The following KCTD1 variants were observed in gnomAD, a reference collection of about 807,000 sequenced individuals.
The protein encoded by KCTD1 is BTB/POZ domain-containing protein KCTD1.
KCTD1 carries 24 observed loss-of-function variants against 66.0 expected under a neutral mutation model. The observed-to-expected ratio is 0.36, with a 90% CI of 0.26 to 0.51. The LOEUF (loss-of-function observed/expected upper bound fraction) is 0.51, where lower values mean the gene tolerates loss of function less well. KCTD1 is among the 20% of genes least tolerant of loss of function. The pLI, the probability that KCTD1 is intolerant of heterozygous loss-of-function variation, is 0.95. For missense variants in KCTD1, 943 were observed against 1,205.2 expected, an observed-to-expected ratio of 0.78 and a Z score of 3.22; for synonymous variants, 511 against 517.2, an observed-to-expected ratio of 0.99 and a Z score of 0.16.
At chr18:26,580,656 G>A (rs1986331154) in intron 1 of KCTD1, among the ~76,000 whole-genome samples, 1 of 152,178 alleles carries the variant, frequency 6.6e-6, no homozygotes, top group Admixed American at 6.5e-5. Flanking sequence ...GGGAGGGAGT[G>A]TGGCAAAATG....
rs151153880 is a variant in KCTD1 at position 26,456,230 on chromosome 18, C to T, written c.2440-329G>A. ...GGTTTCCAACTCAGGTCTGTTTGGC[C>T]TCAAATCTCCTGTTTTTGTATATGC... On this transcript the variant is annotated intron_variant, in intron 4 of 4. Transcript: ENST00000580059. 1.7e-4 allele frequency: 37 copies of T among 212,256 alleles called. No individual in the cohort carries two copies. In the East Asian group the frequency reaches 3.4e-3, roughly 20 times the overall value. 13.1% of individuals were successfully genotyped at this position (212,256 alleles called of 1,614,324 possible). A position where few individuals can be genotyped will look rare whatever the true frequency, so the allele number is the denominator to read the frequency against.
At chr18:26,609,032 T>C (rs1987077559) in intron 1 of KCTD1, among the ~76,000 whole-genome samples, 1 of 152,224 alleles carries the variant, frequency 6.6e-6, no homozygotes, top group Non-Finnish European at 1.5e-5. Context: ...TAGAGGCACT[T>C]GCCCAAGGCT....
At chr18:26,655,774 G>C (rs546665034) in intron 1 of KCTD1, 3 of 152,400 alleles carry the variant, frequency 2.0e-5, no homozygotes, top group East Asian at 1.9e-4. Flanking sequence ...AAGGCAGACT[G>C]TCTACCCGCG....
chr18:26,463,846 A>AT (rs1198816586), intron 3 of KCTD1, among the ~76,000 whole-genome samples: 28 of 152,246 alleles, frequency 1.8e-4, no homozygotes, highest in Admixed American at 1.8e-3. Context: ...CTGAATACAT[A>AT]TTTTTTAAAT....
Position 26,459,852 on chromosome 18 carries a change from T to C in KCTD1, c.2207A>G (p.Lys736Arg). 1 of 1,613,548 alleles carries C rather than the reference T, an allele frequency of 6.2e-7. No homozygotes were observed. Among genetic ancestry groups the C allele is most frequent in the Non-Finnish European group, 8.5e-7 (1 of 1,179,548 alleles). The change falls in exon 4 of 5, where the codon AAG becomes AGG. Residue 736 changes from lysine (K) to arginine (R), a missense_variant. Around this residue, in one of 10 missense-constraint regions of KCTD1, gnomAD observed 162 missense variants for 232.4 expected, o/e 0.70. Transcript: ENST00000580059. The stretch of plus-strand genomic sequence containing the variant: ...AAATCGACCAGTTTCTCTGTCCTGC[T>C]TCCATCTTTCCATCTCCAACAACAT... ...QPMLLEMERW[K>R]QDRETGRFSR...
At chr18:26,488,888 C>T (rs1481735992) in intron 2 of KCTD1, among the ~76,000 whole-genome samples, 4 of 152,146 alleles carry the variant, frequency 2.6e-5, no homozygotes, top group South Asian at 2.1e-4. Flanking sequence ...TTCAGACAGT[C>T]GGGCAAATAG....
chr18:26,594,248 C>T (rs1419572558), intron 1 of KCTD1, among the ~76,000 whole-genome samples: 1 of 152,098 alleles, frequency 6.6e-6, no homozygotes, highest in African/African-American at 2.4e-5. Flanking sequence ...GGGAAGTTAG[C>T]CTAAATCAGT....
At chr18:26,484,787 G>A (rs1488466868) in intron 2 of KCTD1, among the ~76,000 whole-genome samples, 3 of 152,186 alleles carry the variant, frequency 2.0e-5, no homozygotes, top group East Asian at 1.9e-4. Context: ...AGGCAGGGAA[G>A]GCCTCCTGCT....
At chr18:26,525,196 TAGGGGTTAGCAGGAAGCTCCATTGTGCTA>T (rs1984098670) in intron 1 of KCTD1, among the ~76,000 whole-genome samples, 2 of 152,130 alleles carry the variant, frequency 1.3e-5, no homozygotes, top group Non-Finnish European at 2.9e-5. Flanking sequence ...CAGAAGGCCT[TAGGGGTTAGCAGGAAGCTCCATTGTGCTA>T]AGAGGGTGCA....
intron 1 of KCTD1, among the ~76,000 whole-genome samples, chr18:26,625,809 T>C (rs1240893490): frequency 6.6e-6 from 1 of 152,162 alleles, no homozygotes; most frequent in East Asian, 1.9e-4. Context: ...CTGGTCCCCC[T>C]TCCTAACAGG....
intron 1 of KCTD1, among the ~76,000 whole-genome samples, chr18:26,593,397 G>GAAGATGAGGAGA (rs1986666275): frequency 9.0e-6 from 1 of 111,026 alleles, no homozygotes; most frequent in African/African-American, 3.4e-5. Flanking sequence ...AGAAGAGGAG[G>GAAGATGAGGAGA]AGGAAGATGA....
chr18:26,504,702 G>A (rs1982940361), intron 1 of KCTD1, among the ~76,000 whole-genome samples: 1 of 151,686 alleles, frequency 6.6e-6, no homozygotes, highest in South Asian at 2.1e-4. Flanking sequence ...CTTAGGCTGG[G>A]GTTGGGGGGG....
In KCTD1 at chr18:26,468,677, T is replaced by C. The variant is rs1980882027; in HGVS notation, c.2133+7838A>G. Among the ~76,000 whole-genome samples, 1 of 151,986 alleles carries C rather than the reference T, an allele frequency of 6.6e-6. No homozygotes were observed. Among genetic ancestry groups the C allele is most frequent in the Admixed American group, 6.6e-5 (1 of 15,256 alleles). On this transcript the variant is annotated intron_variant, in intron 3 of 4. Transcript: ENST00000580059. This position sits in a 1 kb window ranked among gnomAD's most constrained non-coding sequence, Gnocchi z 4.8. ...TGAAACCCCATCTGTACTAAAAATA[T>C]AAAAATTAGTGTGCCTGTGGCGTGG...
chr18:26,531,434 A>G (rs1984429968), intron 1 of KCTD1, among the ~76,000 whole-genome samples: 1 of 152,246 alleles, frequency 6.6e-6, no homozygotes, highest in Non-Finnish European at 1.5e-5. Flanking sequence ...TAAGTCAAAT[A>G]TTGTAAAAAA....
intron 3 of KCTD1, among the ~76,000 whole-genome samples, chr18:26,461,701 A>AT (rs1330424433): frequency 2.6e-5 from 4 of 152,194 alleles, no homozygotes; most frequent in African/African-American, 9.7e-5. Context: ...TACCAAGGAG[A>AT]TTTTAAACAG....
At chr18:26,535,249 T>A (rs1984643257) in intron 1 of KCTD1, among the ~76,000 whole-genome samples, 1 of 152,206 alleles carries the variant, frequency 6.6e-6, no homozygotes, top group African/African-American at 2.4e-5. Flanking sequence ...TATAACTGCA[T>A]CAGAACTGCA....
At chr18:26,465,508 C>T (rs1980678478) in intron 3 of KCTD1, among the ~76,000 whole-genome samples, 1 of 152,200 alleles carries the variant, frequency 6.6e-6, no homozygotes, top group Non-Finnish European at 1.5e-5. Flanking sequence ...CAGCTTCTCC[C>T]GACTACTCTT....
chr18:26,629,949 C>G (rs1180452996), upstream of KCTD1, among the ~76,000 whole-genome samples: 1 of 152,080 alleles, frequency 6.6e-6, no homozygotes, highest in Non-Finnish European at 1.5e-5. Context: ...ACTCCTGGAG[C>G]TTGGCCCTTT....
At chr18:26,554,632 T>C (rs369251305) in intron 1 of KCTD1, among the ~76,000 whole-genome samples, 2 of 152,188 alleles carry the variant, frequency 1.3e-5, no homozygotes, top group Non-Finnish European at 2.9e-5. Flanking sequence ...TTTTCTTCAA[T>C]GCTTTGTCAA....
Sources: gnomAD v4.1 joint callset for allele counts (sites outside exome capture counted in the v4.1 genomes callset) on GRCh38, gnomAD v4.1.1 for gene constraint, gnomAD v4.1.1 regional missense constraint, Gnocchi (gnomAD v3.1) non-coding constraint, MANE v1.5 for transcripts, NCBI Gene and HGNC (gene_info 2026-07-23, HGNC 2026-07-21) for gene names.